Variants in ASTN2 observed in about 807,000 individuals in gnomAD.
The protein encoded by ASTN2 is astrotactin 2, also known as astrotactin-2.
Under a neutral mutation model 139.8 loss-of-function variants are expected in ASTN2, and 54 were observed. The ratio of observed to expected loss-of-function variants is 0.39; its 90% CI spans 0.31 to 0.48. The LOEUF is 0.48. ASTN2 is among the 20% of genes least tolerant of loss of function. The probability of loss-of-function intolerance (pLI) is 0.95; values close to 1 mark genes in which losing one functional copy is unlikely to be tolerated. For missense variants in ASTN2, 1,565 were observed against 1,725.1 expected, an observed-to-expected ratio of 0.91 and a Z score of 1.64; for synonymous variants, 756 against 719.5, an observed-to-expected ratio of 1.05 and a Z score of -0.81.
rs367936597 is a variant in ASTN2, at chr9:116,789,312, A to C, written c.2396+16320T>G. Reference sequence around the variant, plus strand: ...TAAGGTTCTTTCAAAGTCCTCAGGCATACAATGAATTAACCAGCCCTGGGC... The same window carrying C: ...TAAGGTTCTTTCAAAGTCCTCAGGCCTACAATGAATTAACCAGCCCTGGGC... On this transcript the variant is annotated intron_variant, in intron 13 of 22. Coordinates refer to ENST00000313400, the MANE Select transcript of ASTN2 (RefSeq NM_001365068.1). 2.8e-4 allele frequency among the ~76,000 whole-genome samples: 42 copies of C among 152,342 alleles called. No individual in the cohort carries two copies. The South Asian group carries it at 4.3e-3, about 16-fold the overall frequency.
intron 1 of ASTN2, among the ~76,000 whole-genome samples, chr9:117,386,459 G>C (rs1830403136): frequency 6.6e-6 from 1 of 152,136 alleles, no homozygotes; most frequent in Non-Finnish European, 1.5e-5. Flanking sequence ...GCTCTTCTTA[G>C]CCAGCAGGAG....
chr9:116,620,258 T>C, intron 18 of ASTN2, 52 bp downstream of exon 18: 1 of 1,612,220 alleles, frequency 6.2e-7, no homozygotes, highest in South Asian at 1.1e-5. Flanking sequence ...AGGACAGGAG[T>C]GTGAGTCCAC....
At chr9:116,800,276 A>G (rs1830810106) in intron 13 of ASTN2, among the ~76,000 whole-genome samples, 1 of 152,030 alleles carries the variant, frequency 6.6e-6, no homozygotes, top group Non-Finnish European at 1.5e-5. Context: ...CTGCTGTGAC[A>G]TAGACTGTTC....
chr9:117,084,343 C>T (rs1327541211), intron 5 of ASTN2, among the ~76,000 whole-genome samples: 2 of 152,304 alleles, frequency 1.3e-5, no homozygotes, highest in East Asian at 3.9e-4. Flanking sequence ...AAGGAGTCCA[C>T]TCCCACAAAC....
In ASTN2 at chr9:116,754,025, T is replaced by C. The variant is rs569008624; in HGVS notation, c.2397-20502A>G. 5.0e-5 allele frequency among the ~76,000 whole-genome samples: 7 copies of C among 140,632 alleles called. No homozygotes were observed. In the South Asian group the frequency reaches 1.0e-3, roughly 21 times the overall value. 92.3% of individuals were successfully genotyped at this position (140,632 alleles called of 152,430 possible). A position where few individuals can be genotyped will look rare whatever the true frequency, so the allele number is the denominator to read the frequency against. Reference sequence around the variant, plus strand: ...CCCCTGCTGCGTCCATGTGTTCTCATTGTTCACCTCCCACTTATAAGTGAG... The same window carrying C: ...CCCCTGCTGCGTCCATGTGTTCTCACTGTTCACCTCCCACTTATAAGTGAG... On this transcript the variant is annotated intron_variant, in intron 13 of 22. Transcript: ENST00000313400.
chr9:116,690,944 G>A (rs1185897888), intron 16 of ASTN2, among the ~76,000 whole-genome samples: 1 of 152,126 alleles, frequency 6.6e-6, no homozygotes, highest in Non-Finnish European at 1.5e-5. Flanking sequence ...TATTTATACA[G>A]GGTCTTGCTG....
chr9:116,513,680 T>C (rs1248740476), intron 19 of ASTN2, among the ~76,000 whole-genome samples: 2 of 152,238 alleles, frequency 1.3e-5, no homozygotes, highest in South Asian at 4.1e-4. Flanking sequence ...CCCATATTTC[T>C]TGGAGGCTTT....
chr9:117,191,830 G>C (rs1357414474), intron 3 of ASTN2, among the ~76,000 whole-genome samples: 2 of 152,180 alleles, frequency 1.3e-5, no homozygotes, highest in Non-Finnish European at 2.9e-5. Context: ...CGGTGGTACT[G>C]CCTTGCCAGC....
chr9:117,157,667 C>T (rs899952586), intron 3 of ASTN2, among the ~76,000 whole-genome samples: 2 of 151,936 alleles, frequency 1.3e-5, no homozygotes, highest in Non-Finnish European at 2.9e-5. Context: ...AGGTGGCATA[C>T]ATAAAGATGC....
intron 1 of ASTN2, among the ~76,000 whole-genome samples, chr9:117,318,111 T>C (rs10983617): frequency 0.089 from 13,544 of 152,236 alleles, 735 homozygotes; most frequent in Non-Finnish European, 0.11. Context: ...TATTCATGAG[T>C]GAAGCAGCAT....
At chr9:116,911,777 G>A (rs976276886) in intron 10 of ASTN2, among the ~76,000 whole-genome samples, 6 of 152,010 alleles carry the variant, frequency 3.9e-5, no homozygotes, top group Non-Finnish European at 7.4e-5. Flanking sequence ...GGTGGCAGGC[G>A]CCTGTTGTCT....
rs1177690983 is a variant in ASTN2, at chr9:116,623,146, T to C, written c.3073-2703A>G. Among the ~76,000 whole-genome samples the C allele has an allele frequency of 3.6e-5, 4 of 110,558 alleles. 1 individual carries two copies. The highest frequency in any genetic ancestry group is 6.6e-5 in the African/African-American group (2 of 30,146). 72.5% of individuals were successfully genotyped at this position (110,558 alleles called of 152,430 possible). On this transcript the variant is annotated intron_variant, in intron 17 of 22. Transcript: ENST00000313400. ...AGCAATGGGAAGAGAGAGAGCATAC[T>C]CTGTGTGTGTGTGTGTGTGTGTGTG...
chr9:117,024,859 T>C (rs1218546168), intron 6 of ASTN2, among the ~76,000 whole-genome samples: 1 of 152,110 alleles, frequency 6.6e-6, no homozygotes, highest in East Asian at 1.9e-4. Context: ...GGGAGATAAT[T>C]GAATTATGGG....
At position 116,805,596 on chromosome 9, in the gene ASTN2, ACTCAGACAAGCAATGTG is replaced by A; in HGVS notation, c.2396+19_2396+35del. The A allele has an allele frequency of 1.7e-5, 27 of 1,591,418 alleles. No individual in the cohort carries two copies. Among genetic ancestry groups the A allele is most frequent in the Non-Finnish European group, 2.2e-5 (26 of 1,163,576 alleles). On this transcript the variant is annotated intron_variant, in intron 13 of 22. Transcript: ENST00000313400. ...CCTGTGCCCAGGTTGTTTGTCAGTG[ACTCAGACAAGCAATGTG>A]CAAGTATCTACAGCATACCTAAAGG...
intron 19 of ASTN2, among the ~76,000 whole-genome samples, chr9:116,571,611 T>C (rs149293575): frequency 1.3e-5 from 2 of 152,296 alleles, no homozygotes; most frequent in East Asian, 3.9e-4. Flanking sequence ...GCACACGGTA[T>C]GTATATCTTT....
chr9:117,403,510 G>A (rs1830895928), intron 1 of ASTN2, among the ~76,000 whole-genome samples: 1 of 152,152 alleles, frequency 6.6e-6, no homozygotes, highest in Non-Finnish European at 1.5e-5. Flanking sequence ...AAGTAGACCA[G>A]ACGTCTTCCT....
At chr9:116,583,940 C>T (rs554261583) in intron 19 of ASTN2, 1 of 152,304 alleles carries the variant, frequency 6.6e-6, no homozygotes, top group African/African-American at 2.4e-5. Flanking sequence ...GGAATATATT[C>T]AATCACTCCC....
At chr9:116,447,889 A>G (rs1417376421) in intron 20 of ASTN2, among the ~76,000 whole-genome samples, 2 of 152,110 alleles carry the variant, frequency 1.3e-5, no homozygotes, top group Non-Finnish European at 2.9e-5. Flanking sequence ...AGATCAGAGG[A>G]GGGTGGGTAG....
chr9:116,780,310 A>C (rs1317898116), intron 13 of ASTN2, among the ~76,000 whole-genome samples: 5 of 152,222 alleles, frequency 3.3e-5, no homozygotes, highest in Non-Finnish European at 5.9e-5. Context: ...TATCTGATTT[A>C]AATGCACCTT....
Sources: allele counts gnomAD v4.1 joint callset (sites outside exome capture counted in the v4.1 genomes callset), GRCh38; gene constraint gnomAD v4.1.1; transcripts MANE v1.5; gene names NCBI Gene and HGNC (gene_info 2026-07-23, HGNC 2026-07-21).